Variants in SAMD4A observed in about 807,000 individuals in gnomAD.
SAMD4A encodes the protein sterile alpha motif domain containing 4A.
In SAMD4A, 33 loss-of-function variants were observed where a neutral mutation model predicts 81.3. The ratio of observed to expected loss-of-function variants is 0.41; its 90% confidence interval spans 0.31 to 0.54. The LOEUF is 0.54. Ranked by LOEUF, SAMD4A falls within the 20% of genes least tolerant of loss-of-function variation. The probability of loss-of-function intolerance (pLI) is 0.37; values close to 1 mark genes in which losing one functional copy is unlikely to be tolerated. For missense variants in SAMD4A, 854 were observed against 951.1 expected (o/e 0.90, Z 1.34); for synonymous variants, 389 against 382.1 (o/e 1.02, Z -0.21).
intron 2 of SAMD4A, among the ~76,000 whole-genome samples, chr14:54,622,220 A>C (rs953086795): frequency 5.3e-5 from 8 of 152,190 alleles, no homozygotes; most frequent in African/African-American, 1.2e-4. Context: ...AGAGTTTGTT[A>C]CATCAACTTT....
chr14:54,773,776 G>A (rs2038766572), intron 9 of SAMD4A, among the ~76,000 whole-genome samples: 1 of 152,246 alleles, frequency 6.6e-6, no homozygotes, highest in Non-Finnish European at 1.5e-5. Flanking sequence ...CGCCCCACAG[G>A]TGGCATCAGC....
intron 4 of SAMD4A, among the ~76,000 whole-genome samples, chr14:54,747,892 C>G (rs2038005962): frequency 6.6e-6 from 1 of 152,212 alleles, no homozygotes; most frequent in Admixed American, 6.5e-5. Flanking sequence ...CAAACTCTGA[C>G]TGAAAGAATA....
At chr14:54,635,417 C>T (rs1032746472) in intron 2 of SAMD4A, among the ~76,000 whole-genome samples, 5 of 150,832 alleles carry the variant, frequency 3.3e-5, no homozygotes, top group African/African-American at 1.2e-4. Flanking sequence ...AAGAATGAAA[C>T]TCCATCTCAA....
chr14:54,749,872 G>A (rs757805438), intron 5 of SAMD4A, among the ~76,000 whole-genome samples: 4 of 152,196 alleles, frequency 2.6e-5, no homozygotes, highest in Non-Finnish European at 5.9e-5. Context: ...GGCTGGTCTG[G>A]ACGCATACCT....
chr14:54,655,491 G>A (rs1249456568), intron 2 of SAMD4A, among the ~76,000 whole-genome samples: 1 of 152,170 alleles, frequency 6.6e-6, no homozygotes, highest in Non-Finnish European at 1.5e-5. Flanking sequence ...CAGCACTTTG[G>A]GAGGCTGAGG....
At chr14:54,581,241 C>T (rs1041571940) in intron 2 of SAMD4A, among the ~76,000 whole-genome samples, 7 of 152,292 alleles carry the variant, frequency 4.6e-5, no homozygotes, top group Admixed American at 2.0e-4. Flanking sequence ...AAAAGCAGAG[C>T]GACATTATTC....
intron 4 of SAMD4A, among the ~76,000 whole-genome samples, chr14:54,742,410 C>G (rs1321910149): frequency 6.6e-6 from 1 of 152,162 alleles, no homozygotes; most frequent in Admixed American, 6.5e-5. Context: ...GTGCAACCCC[C>G]TCAGTGGGCC....
intron 2 of SAMD4A, among the ~76,000 whole-genome samples, chr14:54,658,993 A>G (rs2035582947): frequency 6.6e-6 from 1 of 152,198 alleles, no homozygotes; most frequent in South Asian, 2.1e-4. Context: ...CAGTTTGCAC[A>G]CCTGTAAATC....
intron 2 of SAMD4A, among the ~76,000 whole-genome samples, chr14:54,574,111 T>C (rs2033214614): frequency 6.6e-6 from 1 of 152,156 alleles, no homozygotes; most frequent in Non-Finnish European, 1.5e-5. Flanking sequence ...CACATATAAA[T>C]TTACCAAATA....
rs114884902 is a variant in SAMD4A, at chr14:54,741,407, A to T, written c.979+4120A>T. On this transcript the variant is annotated intron_variant, in intron 4 of 12. Coordinates refer to ENST00000554335, the MANE Select transcript of SAMD4A (RefSeq NM_015589.6). ...TAAGACTTAACAAAATGCCACAGCT[A>T]TGATGAATGATGTGGCTGCATTATA... Among the ~76,000 whole-genome samples the T allele has an allele frequency of 1.6e-3, 239 of 152,372 alleles. 1 individual carries two copies. The highest frequency in any genetic ancestry group is 5.5e-3 in the African/African-American group (230 of 41,586).
chr14:54,762,846 C>T (rs149148436), intron 7 of SAMD4A, among the ~76,000 whole-genome samples: 6 of 148,578 alleles, frequency 4.0e-5, no homozygotes, highest in Non-Finnish European at 5.9e-5. Flanking sequence ...TACATAAGCA[C>T]ATGAATATTC....
intron 3 of SAMD4A, among the ~76,000 whole-genome samples, chr14:54,719,622 A>C (rs530075904): frequency 1.2e-4 from 19 of 152,276 alleles, no homozygotes; most frequent in African/African-American, 4.6e-4. Context: ...CAAAGTCCAG[A>C]ACGGTCTTGG....
chr14:54,751,498 G>A lies in SAMD4A; in HGVS notation c.1137G>A (p.Lys379=), dbSNP rs200055016. The part of the protein sequence containing the change: ...ARHKIVISIQ[K]LKERQNLLKS... The stretch of plus-strand genomic sequence containing the variant: ...ACAAAATTGTCATCAGTATTCAGAA[G>A]CTCAAAGAAAGACAAAATCTCCTGA... Residue 379 remains lysine (K), a synonymous_variant, in exon 6 of 13, where the codon AAG becomes AAA. Coordinates refer to ENST00000554335, the MANE Select transcript of SAMD4A (RefSeq NM_015589.6). The A allele has an allele frequency of 6.2e-5, 100 of 1,609,674 alleles. No individual in the cohort carries two copies. In the East Asian group the frequency reaches 1.6e-3, roughly 25 times the overall value.
chr14:54,724,634 G>A (rs1398203383), intron 3 of SAMD4A, among the ~76,000 whole-genome samples: 1 of 152,136 alleles, frequency 6.6e-6, no homozygotes, highest in African/African-American at 2.4e-5. Context: ...AATATCCCCA[G>A]CTCAGGGCAG....
intron 2 of SAMD4A, among the ~76,000 whole-genome samples, chr14:54,676,544 T>C (rs1327352924): frequency 2.9e-5 from 2 of 68,782 alleles, no homozygotes; most frequent in African/African-American, 2.0e-4. Context: ...ACCCAGCTAA[T>C]TTTTTTTTTT....
At position 54,676,625 on chromosome 14, in the gene SAMD4A, C is replaced by T. The variant is rs1215354543; in HGVS notation, c.197-25437C>T. Among the ~76,000 whole-genome samples, 4 of 152,194 alleles carry T rather than the reference C, an allele frequency of 2.6e-5. No homozygotes were observed. In the East Asian group the frequency reaches 5.8e-4, roughly 22 times the overall value. On this transcript the variant is annotated intron_variant, in intron 2 of 12. Transcript: ENST00000554335. ...CTCAAACTCCTGACCTCAGGTGTTC[C>T]ACCCGCCTCAGCCTCCCAGAGTGCT...
At chr14:54,725,892 A>G (rs1248252784) in intron 3 of SAMD4A, among the ~76,000 whole-genome samples, 2 of 152,164 alleles carry the variant, frequency 1.3e-5, no homozygotes, top group Admixed American at 6.6e-5. Flanking sequence ...GCCTACCCCA[A>G]CGTCAACAGA....
chr14:54,589,446 A>T (rs1377060595), intron 2 of SAMD4A, among the ~76,000 whole-genome samples: 1 of 152,130 alleles, frequency 6.6e-6, no homozygotes, highest in Non-Finnish European at 1.5e-5. Flanking sequence ...ATTCTGCCTC[A>T]AGTTTATGTT....
At chr14:54,700,104 A>T (rs1430587079) in intron 2 of SAMD4A, among the ~76,000 whole-genome samples, 1 of 152,156 alleles carries the variant, frequency 6.6e-6, no homozygotes, top group Non-Finnish European at 1.5e-5. Context: ...TGTTTTTTAA[A>T]ACTTGGCATC....
Sources: allele counts gnomAD v4.1 joint callset (sites outside exome capture counted in the v4.1 genomes callset), GRCh38; gene constraint gnomAD v4.1.1; transcripts MANE v1.5; gene names NCBI Gene and HGNC (gene_info 2026-07-23, HGNC 2026-07-21).